The following CDK8 variants were observed in gnomAD, a reference collection of about 807,000 sequenced individuals.
The protein encoded by CDK8 is cyclin dependent kinase 8, also known as cyclin-dependent kinase 8.
CDK8 carries 29 observed loss-of-function variants against 71.5 expected under a neutral mutation model. That is an observed-to-expected ratio of 0.41 (90% CI 0.30 to 0.55). The LOEUF (loss-of-function observed/expected upper bound fraction) is 0.55, where lower values mean the gene tolerates loss of function less well. Ranked by LOEUF, CDK8 falls within the 20% of genes least tolerant of loss-of-function variation. CDK8 has a pLI of 0.37. For missense variants in CDK8, 288 were observed against 572.6 expected, an observed-to-expected ratio of 0.50 and a Z score of 5.07; for synonymous variants, 161 against 192.1, an observed-to-expected ratio of 0.84 and a Z score of 1.34.
chr13:26,301,322 A>G (rs1231142726), intron 1 of CDK8, among the ~76,000 whole-genome samples: 3 of 149,952 alleles, frequency 2.0e-5, no homozygotes, highest in Non-Finnish European at 2.9e-5. Flanking sequence ...CAAATTAGCT[A>G]TGGCCTCATT....
chr13:26,367,110 C>T (rs1874426318), intron 4 of CDK8, among the ~76,000 whole-genome samples: 1 of 152,124 alleles, frequency 6.6e-6, no homozygotes, highest in African/African-American at 2.4e-5. Context: ...ATTCCTAATA[C>T]TCATCCTTTG....
chr13:26,265,731 A>G (rs536938596), intron 1 of CDK8, among the ~76,000 whole-genome samples: 1 of 152,306 alleles, frequency 6.6e-6, no homozygotes, highest in East Asian at 1.9e-4. Context: ...TTTCCATGCC[A>G]GATCTTGGAG....
chr13:26,311,706 C>T (rs1461630040), intron 1 of CDK8, among the ~76,000 whole-genome samples: 1 of 151,922 alleles, frequency 6.6e-6, no homozygotes, highest in Non-Finnish European at 1.5e-5. Context: ...TCTTCCTCAC[C>T]CTCCTGCTCT....
At chr13:26,344,772 A>G (rs973661985) in intron 2 of CDK8, among the ~76,000 whole-genome samples, 3 of 152,114 alleles carry the variant, frequency 2.0e-5, no homozygotes, top group Middle Eastern at 6.8e-3. Context: ...TCTTTGGGGC[A>G]ATAACTCACA....
chr13:26,295,579 C>A (rs998536770), intron 1 of CDK8, among the ~76,000 whole-genome samples: 2 of 152,032 alleles, frequency 1.3e-5, no homozygotes, highest in African/African-American at 2.4e-5. Context: ...GAGTTATTGT[C>A]CTGGGCAGGG....
intron 1 of CDK8, among the ~76,000 whole-genome samples, chr13:26,307,875 A>G (rs1249180301): frequency 6.6e-6 from 1 of 152,116 alleles, no homozygotes; most frequent in African/African-American, 2.4e-5. Context: ...AACTAACAGC[A>G]TTGTTTTTTG....
At chr13:26,300,690 T>A (rs759199960) in intron 1 of CDK8, among the ~76,000 whole-genome samples, 4 of 152,300 alleles carry the variant, frequency 2.6e-5, no homozygotes, top group Non-Finnish European at 5.9e-5. Flanking sequence ...AAATTTAAGA[T>A]CCTTGAGGTA....
At chr13:26,303,364 G>A (rs775297970) in intron 1 of CDK8, among the ~76,000 whole-genome samples, 5 of 151,590 alleles carry the variant, frequency 3.3e-5, no homozygotes, top group Non-Finnish European at 7.4e-5. Context: ...GCAGTGGCAC[G>A]ATCTCGGTTT....
At chr13:26,316,765 C>T (rs1283234653) in intron 1 of CDK8, among the ~76,000 whole-genome samples, 2 of 152,018 alleles carry the variant, frequency 1.3e-5, no homozygotes, top group African/African-American at 2.4e-5. Flanking sequence ...TCCAAATGTC[C>T]AGTTTTCAAC....
Position 26,310,327 on chromosome 13 carries a change from T to G in CDK8, c.129-27240T>G, listed in dbSNP as rs367699992. Among the ~76,000 whole-genome samples, 5 of 152,304 alleles carry G rather than the reference T, an allele frequency of 3.3e-5. No individual in the cohort carries two copies. The East Asian group carries it at 5.8e-4, about 18-fold the overall frequency. On this transcript the variant is annotated intron_variant, in intron 1 of 12. Transcript: ENST00000381527. ...GTTTTTAACTTGTTCCCTCTATGTC[T>G]GTGGTCCCCAACCATTTTGGCACCA...
chr13:26,351,185 CT>C (rs1203907194), intron 3 of CDK8, among the ~76,000 whole-genome samples: 1 of 152,016 alleles, frequency 6.6e-6, no homozygotes, highest in East Asian at 1.9e-4. Context: ...CTGTGAACTG[CT>C]TTTTAAATGA....
chr13:26,352,112 A>C (rs1427344383), intron 3 of CDK8, among the ~76,000 whole-genome samples: 1 of 151,236 alleles, frequency 6.6e-6, no homozygotes, highest in African/African-American at 2.4e-5. Context: ...GCAGAGTTTT[A>C]ATTTTTTTTT....
intron 1 of CDK8, among the ~76,000 whole-genome samples, chr13:26,263,267 C>G (rs1381269553): frequency 6.6e-6 from 1 of 152,018 alleles, no homozygotes; most frequent in Non-Finnish European, 1.5e-5. Flanking sequence ...TCCCGAGTAG[C>G]TGGGACTACA....
intron 7 of CDK8, among the ~76,000 whole-genome samples, chr13:26,393,726 C>G (rs1052878351): frequency 3.9e-5 from 6 of 152,008 alleles, no homozygotes; most frequent in Admixed American, 1.3e-4. Flanking sequence ...AATTTCAGGA[C>G]TGTATTTTTG....
intron 4 of CDK8, among the ~76,000 whole-genome samples, chr13:26,356,995 C>A (rs973725211): frequency 6.6e-6 from 1 of 152,106 alleles, no homozygotes; most frequent in African/African-American, 2.4e-5. Context: ...GGCACAGACA[C>A]CCTAAAAACA....
chr13:26,290,988 G>A (rs539486525), intron 1 of CDK8, among the ~76,000 whole-genome samples: 4 of 151,898 alleles, frequency 2.6e-5, no homozygotes, highest in East Asian at 1.9e-4. Flanking sequence ...GCATGGTGGC[G>A]CCTGCTTGTA....
intron 5 of CDK8, among the ~76,000 whole-genome samples, chr13:26,383,969 G>A (rs749251548): frequency 5.3e-5 from 8 of 151,932 alleles, no homozygotes; most frequent in Non-Finnish European, 1.2e-4. Flanking sequence ...CCATTTTTGC[G>A]GCATCAAATT....
In CDK8 at chr13:26,312,945, G is replaced by T. The variant is rs76936510; in HGVS notation, c.129-24622G>T. On this transcript the variant is annotated intron_variant, in intron 1 of 12. Coordinates refer to ENST00000381527, the MANE Select transcript of CDK8 (RefSeq NM_001260.3). ...TCCTGTGTCTGCAATTTGCATCTTG[G>T]TCTCTAGTCTTCATTTCTCTACTTC... Among the ~76,000 whole-genome samples the T allele has an allele frequency of 2.4e-4, 36 of 152,200 alleles. No individual in the cohort carries two copies. In the East Asian group the frequency reaches 6.9e-3, roughly 29 times the overall value.
In CDK8 at chr13:26,337,067, A is replaced by G. The variant is rs1038367559; in HGVS notation, c.129-500A>G. On this transcript the variant is annotated intron_variant, in intron 1 of 12. Transcript: ENST00000381527. Reference sequence around the variant, plus strand: ...TACATAGTAAGTGTTCAGTAAACACATGTTGCGTGAGTGTCTTTGAAAGTC... The same window carrying G: ...TACATAGTAAGTGTTCAGTAAACACGTGTTGCGTGAGTGTCTTTGAAAGTC... Among the ~76,000 whole-genome samples, 3 of 149,018 alleles carry G rather than the reference A, an allele frequency of 2.0e-5. No homozygotes were observed. In the Admixed American group the frequency reaches 2.0e-4, roughly 10 times the overall value.
Sources: gnomAD v4.1 joint callset for allele counts (sites outside exome capture counted in the v4.1 genomes callset) on GRCh38, gnomAD v4.1.1 for gene constraint, MANE v1.5 for transcripts, NCBI Gene and HGNC (gene_info 2026-07-23, HGNC 2026-07-21) for gene names.